PCDHA1: variants seen among roughly 807,000 people sequenced by gnomAD.
The protein encoded by PCDHA1 is protocadherin alpha 1, also known as protocadherin alpha-1.
In PCDHA1, 42 loss-of-function variants were observed where a neutral mutation model predicts 61.3. The observed-to-expected ratio is 0.69, with a 90% confidence interval of 0.54 to 0.89. The LOEUF is 0.89. PCDHA1 is among the 40% of genes least tolerant of loss of function. The pLI is 0.00. For synonymous variants in PCDHA1, 610 were observed against 553.8 expected (o/e 1.10, Z -1.43); for missense variants, 1,256 against 1,235.3 (o/e 1.02, Z -0.25).
At chr5:140,858,274 G>C (rs376781836) in intron 1 of PCDHA1, 1 of 1,597,298 alleles carries the variant, frequency 6.3e-7, no homozygotes, top group African/African-American at 1.3e-5. Flanking sequence ...GCTCTAGCGC[G>C]GTGGGGAGCT....
chr5:140,971,035 C>T (rs1251023371), intron 1 of PCDHA1, among the ~76,000 whole-genome samples: 1 of 152,098 alleles, frequency 6.6e-6, no homozygotes, highest in African/African-American at 2.4e-5. Flanking sequence ...TTTGAAAGCA[C>T]GTAAAAGGGT....
chr5:140,852,025 G>T, intron 1 of PCDHA1: 1 of 947,208 alleles, frequency 1.1e-6, no homozygotes. Flanking sequence ...TAAAAACTTC[G>T]CTTATTGAGT....
intron 1 of PCDHA1, chr5:140,843,814 GA>G (rs1158286974): frequency 7.9e-7 from 1 of 1,259,766 alleles, no homozygotes; most frequent in African/African-American, 1.5e-5. Context: ...ATTTTATAGT[GA>G]AAATTTAAAC....
intron 1 of PCDHA1, chr5:140,849,996 G>T (rs2150462323): frequency 6.3e-7 from 1 of 1,597,124 alleles, no homozygotes; most frequent in East Asian, 2.2e-5. Context: ...GCGGTTGGGC[G>T]AGCGCTCGCT....
At chr5:140,994,197 G>A (rs1449482897) in intron 3 of PCDHA1, among the ~76,000 whole-genome samples, 1 of 152,196 alleles carries the variant, frequency 6.6e-6, no homozygotes. Context: ...GGGCCTGTTG[G>A]TCCAGAATGG....
intron 1 of PCDHA1, among the ~76,000 whole-genome samples, chr5:140,955,070 G>A (rs755676357): frequency 2.2e-4 from 34 of 152,166 alleles, no homozygotes; most frequent in Non-Finnish European, 4.1e-4. Context: ...GTTTGTTGAA[G>A]ATCAGATGGT....
At chr5:140,852,963 C>T in intron 1 of PCDHA1, 1 of 424,740 alleles carries the variant, frequency 2.4e-6, no homozygotes, top group Non-Finnish European at 3.3e-6. Context: ...ACTCCAAGCT[C>T]CCCCTCCCGT....
intron 1 of PCDHA1, chr5:140,828,311 C>G (rs2150153881): frequency 6.2e-7 from 1 of 1,614,174 alleles, no homozygotes; most frequent in Non-Finnish European, 8.5e-7. Flanking sequence ...CCGCGAGGAC[C>G]TTCTGGAGGT....
At chr5:140,932,549 C>T (rs1222820851) in intron 1 of PCDHA1, among the ~76,000 whole-genome samples, 1 of 151,864 alleles carries the variant, frequency 6.6e-6, no homozygotes, top group African/African-American at 2.4e-5. Context: ...ATTTAACATA[C>T]ATTCCACAAG....
At chr5:140,902,594 A>G (rs1208012043) in intron 1 of PCDHA1, among the ~76,000 whole-genome samples, 1 of 152,112 alleles carries the variant, frequency 6.6e-6, no homozygotes, top group Non-Finnish European at 1.5e-5. Context: ...TTTGGGAAAC[A>G]GGTCGTTTTC....
intron 1 of PCDHA1, among the ~76,000 whole-genome samples, chr5:140,907,796 A>AG (rs2073616997): frequency 6.6e-6 from 1 of 152,214 alleles, no homozygotes; most frequent in African/African-American, 2.4e-5. Flanking sequence ...AAAGAGGCTA[A>AG]GTGGTGTCCA....
At chr5:140,851,273 G>C in intron 1 of PCDHA1, 1 of 1,057,916 alleles carries the variant, frequency 9.5e-7, no homozygotes, top group African/African-American at 1.7e-5. Flanking sequence ...TACTTGTATT[G>C]TTTATAAGAA....
In PCDHA1 at chr5:140,869,946, A is replaced by G. The variant is rs557838493; in HGVS notation, c.2394+81262A>G. 13 of 1,612,442 alleles carry G rather than the reference A, an allele frequency of 8.1e-6. No individual in the cohort carries two copies. In the African/African-American group the frequency reaches 9.3e-5, roughly 12 times the overall value. ...TCAATGGAGAGGTAACATACTCCTTAATGTCAATTAAGCCCAATGGAAGAC... is the reference window on the plus strand; with the variant it reads ...TCAATGGAGAGGTAACATACTCCTTGATGTCAATTAAGCCCAATGGAAGAC... On this transcript the variant is annotated intron_variant, in intron 1 of 3. Transcript: ENST00000504120.
intron 1 of PCDHA1, chr5:140,823,108 G>C (rs138806648): frequency 6.2e-7 from 1 of 1,613,958 alleles, no homozygotes; most frequent in African/African-American, 1.3e-5. Context: ...TGTGGAAGTG[G>C]CCGACGTGAA....
In PCDHA1 at chr5:140,787,765, A is replaced by G. The variant is rs782336467; in HGVS notation, c.1475A>G (p.Tyr492Cys). ...ADAQENALVS[Y>C]SLVERRVGER... ...GCGCAGGAGAACGCGCTGGTGTCCT[A>G]TTCGCTGGTGGAACGGCGGGTGGGC... The change falls in exon 1 of 4, where the codon TAT becomes TGT. Residue 492 changes from tyrosine to cysteine, a missense_variant. By Grantham distance (194) the Tyr-to-Cys change is radical (BLOSUM62 -2). Coordinates refer to ENST00000504120, the MANE Select transcript of PCDHA1 (RefSeq NM_018900.4). 3.7e-6 allele frequency: 6 copies of G among 1,613,038 alleles called. No homozygotes were observed. The highest frequency in any genetic ancestry group is 3.3e-5 in the Admixed American group (2 of 60,012).
intron 1 of PCDHA1, chr5:140,870,953 C>A: frequency 1.2e-6 from 2 of 1,613,668 alleles, no homozygotes; most frequent in Non-Finnish European, 1.7e-6. Flanking sequence ...GCGGGCGGCT[C>A]GCGCATCCCG....
chr5:140,978,794 T>A, intron 1 of PCDHA1, 155 bp from the exon 2 acceptor site: 1 of 978,746 alleles, frequency 1.0e-6, no homozygotes, highest in Non-Finnish European at 1.2e-6. Flanking sequence ...GTGCTATATA[T>A]GTAGATATCA....
intron 1 of PCDHA1, among the ~76,000 whole-genome samples, chr5:140,832,678 C>T (rs1282906655): frequency 6.6e-6 from 1 of 152,042 alleles, no homozygotes; most frequent in African/African-American, 2.4e-5. Context: ...TGAGAATCAT[C>T]GAATTAACAA....
chr5:140,831,604 C>G (rs1771639658), intron 1 of PCDHA1, among the ~76,000 whole-genome samples: 1 of 148,704 alleles, frequency 6.7e-6, no homozygotes. Context: ...TGCAAGTGAT[C>G]TGCCCACCTT....
Sources: gnomAD v4.1 joint callset for allele counts (sites outside exome capture counted in the v4.1 genomes callset) on GRCh38, gnomAD v4.1.1 for gene constraint, MANE v1.5 for transcripts, NCBI Gene and HGNC (gene_info 2026-07-23, HGNC 2026-07-21) for gene names.